C6orf62: variants seen among roughly 807,000 people sequenced by gnomAD.
C6orf62 encodes uncharacterized protein C6orf62.
A neutral mutation model predicts 26.8 loss-of-function variants in C6orf62; 16 were observed. That is an observed-to-expected ratio of 0.60 (90% confidence interval 0.40 to 0.91). C6orf62 has a LOEUF of 0.91. Ranked by LOEUF, C6orf62 falls within the 40% of genes least tolerant of loss-of-function variation. The pLI is 0.00. For missense variants in C6orf62, 192 were observed against 271.4 expected, an observed-to-expected ratio of 0.71 and a Z score of 2.06; for synonymous variants, 112 against 91.5, an observed-to-expected ratio of 1.22 and a Z score of -1.28.
chr6:24,710,774 G>A (rs751186195), intron 3 of C6orf62, among the ~76,000 whole-genome samples: 1 of 152,048 alleles, frequency 6.6e-6, no homozygotes, highest in South Asian at 2.1e-4. Flanking sequence ...CAAAGCGGGA[G>A]GATCACTAGA....
At chr6:24,716,916 G>T (rs994774417) in intron 1 of C6orf62, among the ~76,000 whole-genome samples, 3 of 151,982 alleles carry the variant, frequency 2.0e-5, no homozygotes, top group African/African-American at 7.3e-5. Flanking sequence ...TAGAGACAGG[G>T]TTTCACCATT....
chr6:24,720,056 T>G (rs1001791727), upstream of C6orf62: 34 of 1,237,502 alleles, frequency 2.7e-5, no homozygotes, highest in East Asian at 8.1e-4. Flanking sequence ...CCGGATTAGC[T>G]CTCTCTCACG....
upstream of C6orf62, chr6:24,719,819 G>A (rs889107042): frequency 5.2e-6 from 8 of 1,544,900 alleles, no homozygotes; most frequent in South Asian, 2.4e-5. Context: ...CACCCCCGCA[G>A]GTCCCACCCC....
chr6:24,713,436 CAT>C (rs1491506625), intron 3 of C6orf62, among the ~76,000 whole-genome samples: 2 of 152,128 alleles, frequency 1.3e-5, no homozygotes, highest in Non-Finnish European at 2.9e-5. Flanking sequence ...CTGTGAAAAA[CAT>C]AAGCACCACA....
intron 3 of C6orf62, 32 bp from the exon 4 acceptor site, chr6:24,708,943 T>C (rs377423288): frequency 6.2e-7 from 1 of 1,613,144 alleles, no homozygotes; most frequent in Non-Finnish European, 8.5e-7. Context: ...TATATTAAAC[T>C]ACAAACAAGT....
At chr6:24,712,216 CA>C (rs199813568) in intron 3 of C6orf62, among the ~76,000 whole-genome samples, 1 of 151,522 alleles carries the variant, frequency 6.6e-6, no homozygotes. Context: ...TCCGTCTCTA[CA>C]AAAAAAATAC....
At chr6:24,719,899 C>T (rs1191267349), upstream of C6orf62, 1 of 1,549,120 alleles carries the variant, frequency 6.5e-7, no homozygotes, top group East Asian at 2.4e-5. Context: ...GGTTTTCACT[C>T]ATTTCATCGT....
chr6:24,712,295 C>T (rs539718533), intron 3 of C6orf62, among the ~76,000 whole-genome samples: 2 of 152,148 alleles, frequency 1.3e-5, no homozygotes, highest in South Asian at 2.1e-4. Context: ...GGCACAAGAA[C>T]GGCTCAAACC....
Position 24,706,037 on chromosome 6 carries a change from G to A in C6orf62, c.*100C>T, listed in dbSNP as rs902920469. 8.7e-6 allele frequency: 13 copies of A among 1,501,370 alleles called. No homozygotes were observed. Among genetic ancestry groups the A allele is most frequent in the East Asian group, 2.4e-5 (1 of 42,282 alleles). 93.0% of individuals were successfully genotyped at this position (1,501,370 alleles called of 1,614,324 possible). A position where few individuals can be genotyped will look rare whatever the true frequency, so the allele number is the denominator to read the frequency against. On this transcript the variant is annotated 3_prime_UTR_variant, in exon 5 of 5. Transcript: ENST00000378119. ...AAAATGCATAGTGTTCTGTGCATGA[G>A]TCCATTTTCTTTAAACTCTGAAAGA...
chr6:24,709,361 A>C, intron 3 of C6orf62: 1 of 985,364 alleles, frequency 1.0e-6, no homozygotes, highest in Non-Finnish European at 1.2e-6. Flanking sequence ...TTAAGCCCCA[A>C]GGACATCTCT....
At chr6:24,708,581 G>A (rs1369978299) in intron 4 of C6orf62, among the ~76,000 whole-genome samples, 196 bp downstream of exon 4, 3 of 152,136 alleles carry the variant, frequency 2.0e-5, no homozygotes, top group Admixed American at 6.5e-5. Context: ...CAAGCAATAT[G>A]CCCGCCTCGG....
upstream of C6orf62, chr6:24,719,518 T>C: frequency 8.7e-7 from 1 of 1,153,398 alleles, no homozygotes; most frequent in South Asian, 2.4e-5. Context: ...ATTTTCACCC[T>C]CAGGCGGCTG....
In C6orf62 at chr6:24,709,664, T is replaced by C. The variant is rs546989374; in HGVS notation, c.430-753A>G. 10 of 985,444 alleles carry C rather than the reference T, an allele frequency of 1.0e-5. No individual in the cohort carries two copies. The East Asian group carries it at 4.5e-4, about 45-fold the overall frequency. 61.0% of individuals were successfully genotyped at this position (985,444 alleles called of 1,614,324 possible). A position where few individuals can be genotyped will look rare whatever the true frequency, so the allele number is the denominator to read the frequency against. On this transcript the variant is annotated intron_variant, in intron 3 of 4. Coordinates refer to ENST00000378119, the MANE Select transcript of C6orf62 (RefSeq NM_030939.5). ...TTAGCCTTGGGTCATTCTCAAAAAT[T>C]TGTGAAGTTATGAAAGACTGTTATC...
intron 3 of C6orf62, among the ~76,000 whole-genome samples, chr6:24,712,659 T>A (rs1779144171): frequency 7.9e-6 from 1 of 125,954 alleles, no homozygotes; most frequent in South Asian, 2.5e-4. Context: ...ACTACTGCAC[T>A]CCAATCTGGC....
upstream of C6orf62, chr6:24,720,012 A>AGGGGGGGGGGGC: frequency 1.4e-6 from 2 of 1,463,292 alleles, no homozygotes; most frequent in Non-Finnish European, 1.8e-6. Flanking sequence ...TTCTAAAGTA[A>AGGGGGGGGGGGC]GCCCACCCAC....
chr6:24,714,418 T>G lies in C6orf62; in HGVS notation c.329A>C (p.Glu110Ala), dbSNP rs1239827431. ...CCGAGGCCAAAGAATGAAATCCATC[T>G]CCTGAGTACAGCCAATTACATCCTA... ...MRRDVIGCTQ[E>A]MDFILWPRND... Residue 110 changes from glutamate to alanine, a missense_variant, in exon 3 of 5, where the codon GAG becomes GCG. Physicochemically the swap from Glu to Ala is moderately radical, Grantham distance 107. Coordinates refer to ENST00000378119, the MANE Select transcript of C6orf62 (RefSeq NM_030939.5). The G allele has an allele frequency of 1.9e-6, 3 of 1,605,800 alleles. No individual in the cohort carries two copies. The highest frequency in any genetic ancestry group is 2.6e-6 in the Non-Finnish European group (3 of 1,175,876).
chr6:24,714,091 C>T (rs1219488452), intron 3 of C6orf62, among the ~76,000 whole-genome samples: 1 of 152,130 alleles, frequency 6.6e-6, no homozygotes, highest in East Asian at 1.9e-4. Context: ...AAGATTTTCT[C>T]TAGTCATAAT....
In C6orf62 at chr6:24,719,129, G is replaced by C; in HGVS notation, c.-461C>G. The C allele has an allele frequency of 4.1e-6, 4 of 968,690 alleles. No homozygotes were observed. Among genetic ancestry groups the C allele is most frequent in the Non-Finnish European group, 4.9e-6 (4 of 817,938 alleles). 60.0% of individuals were successfully genotyped at this position (968,690 alleles called of 1,614,324 possible). ...TTTAGAAAAGGGATTAAGGAACAGGGAGGGGGAAGTGTGATCCTTGCTTTC... is the reference window on the plus strand; with the variant it reads ...TTTAGAAAAGGGATTAAGGAACAGGCAGGGGGAAGTGTGATCCTTGCTTTC... On this transcript the variant is annotated 5_prime_UTR_variant, in exon 1 of 5. Transcript: ENST00000378119.
At chr6:24,710,546 G>T (rs776623207) in intron 3 of C6orf62, 1 of 979,146 alleles carries the variant, frequency 1.0e-6, no homozygotes, top group Non-Finnish European at 1.2e-6. Context: ...TTACAGGCGT[G>T]AGCAACCGCG....
Sources: gnomAD v4.1 joint callset for allele counts (sites outside exome capture counted in the v4.1 genomes callset) on GRCh38, gnomAD v4.1.1 for gene constraint, MANE v1.5 for transcripts, NCBI Gene and HGNC (gene_info 2026-07-23, HGNC 2026-07-21) for gene names.